Variants in EDAR observed in about 807,000 individuals in gnomAD.
The protein encoded by EDAR is ectodysplasin A receptor, also known as tumor necrosis factor receptor superfamily member EDAR.
Under a neutral mutation model 51.3 loss-of-function variants are expected in EDAR, and 38 were observed. The observed-to-expected ratio is 0.74, with a 90% CI of 0.57 to 0.97. The LOEUF (loss-of-function observed/expected upper bound fraction) is 0.97, where lower values mean the gene tolerates loss of function less well. EDAR is among the 50% of genes least tolerant of loss of function. The pLI, the probability that EDAR is intolerant of heterozygous loss-of-function variation, is 0.00. For missense variants in EDAR, 528 were observed against 595.0 expected (o/e 0.89, Z 1.17); for synonymous variants, 227 against 242.1 (o/e 0.94, Z 0.58).
Position 108,985,297 on chromosome 2 carries a change from T to C in EDAR, c.-19+3663A>G, listed in dbSNP as rs970852928. 7.2e-5 allele frequency among the ~76,000 whole-genome samples: 11 copies of C among 152,140 alleles called. 1 individual carries two copies. The highest frequency in any genetic ancestry group is 1.3e-4 in the Admixed American group (2 of 15,278). On this transcript the variant is annotated intron_variant, in intron 1 of 11. Transcript: ENST00000258443. ...GCTGTTACTAAGAGTAACGTGACTG[T>C]GGTTGTTATTGCCCTCATTGCTGAT...
chr2:108,912,826 A>T, intron 5 of EDAR, 62 bp from the exon 6 acceptor site: 1 of 1,372,652 alleles, frequency 7.3e-7, no homozygotes. Flanking sequence ...AGACGCTGCC[A>T]CAGAGCTCAT....
intron 4 of EDAR, among the ~76,000 whole-genome samples, chr2:108,928,406 A>T (rs185139267): frequency 6.6e-5 from 10 of 152,178 alleles, no homozygotes; most frequent in Admixed American, 4.6e-4. Flanking sequence ...CTTATGCACT[A>T]AGCTGTGGTC....
At chr2:108,933,892 G>C (rs574829375) in intron 1 of EDAR, among the ~76,000 whole-genome samples, 5 of 152,114 alleles carry the variant, frequency 3.3e-5, no homozygotes, top group Non-Finnish European at 1.5e-5. Context: ...CCTGGACTTG[G>C]CTTCAGGATG....
chr2:108,969,213 C>A (rs910093541), intron 1 of EDAR, among the ~76,000 whole-genome samples: 2 of 148,126 alleles, frequency 1.4e-5, no homozygotes, highest in Non-Finnish European at 3.0e-5. Context: ...TGACAACCTT[C>A]TTTTTTTTTT....
chr2:108,987,419 G>T (rs1056761202), intron 1 of EDAR, among the ~76,000 whole-genome samples: 2 of 152,214 alleles, frequency 1.3e-5, no homozygotes, highest in South Asian at 2.1e-4. Flanking sequence ...CCGCCCAATG[G>T]CAGGCACTGG....
chr2:108,962,837 A>G (rs966630344), intron 1 of EDAR, among the ~76,000 whole-genome samples: 7 of 152,158 alleles, frequency 4.6e-5, no homozygotes, highest in Non-Finnish European at 7.4e-5. Flanking sequence ...GTGATGCTGA[A>G]TTAAAAGCAC....
At chr2:108,984,587 A>G (rs1698467215) in intron 1 of EDAR, among the ~76,000 whole-genome samples, 1 of 150,590 alleles carries the variant, frequency 6.6e-6, no homozygotes, top group African/African-American at 2.5e-5. Context: ...GTCCTGGTTC[A>G]CTCCCTCACT....
chr2:108,976,056 A>C (rs963905562), intron 1 of EDAR, among the ~76,000 whole-genome samples: 56 of 152,206 alleles, frequency 3.7e-4, no homozygotes, highest in Non-Finnish European at 2.4e-4. Context: ...CTGATGAACA[A>C]ATACTGGTGC....
At chr2:108,912,838 G>C in intron 5 of EDAR, 74 bp from the exon 6 acceptor site, 2 of 1,254,792 alleles carry the variant, frequency 1.6e-6, no homozygotes, top group Non-Finnish European at 2.3e-6. Context: ...AGAGCTCATG[G>C]ATCTGGATTC....
In EDAR at chr2:108,921,625, G is replaced by A. The variant is rs77885579; in HGVS notation, c.442+1743C>T. Among the ~76,000 whole-genome samples the A allele has an allele frequency of 8.5e-3, 1,296 of 152,324 alleles. 20 individuals are homozygous for A. The highest frequency in any genetic ancestry group is 0.03 in the African/African-American group (1,228 of 41,578). On this transcript the variant is annotated intron_variant, in intron 5 of 11. Coordinates refer to ENST00000258443, the MANE Select transcript of EDAR (RefSeq NM_022336.4). ...GTGTGGGTCTTAGTGACTCCATGGG[G>A]CTTTCTAGCTCCGACGTTTTTGCTG...
At chr2:108,916,820 C>G (rs1439352078) in intron 5 of EDAR, among the ~76,000 whole-genome samples, 2 of 152,232 alleles carry the variant, frequency 1.3e-5, no homozygotes, top group African/African-American at 4.8e-5. Context: ...ACCCCACAAG[C>G]CCCCTCACGT....
Position 108,907,920 on chromosome 2 carries a change from G to T in EDAR, c.903C>A (p.Cys301Ter), listed in dbSNP as rs199544410. Residue 301 changes from cysteine to a stop codon, truncating the protein, a stop_gained, in exon 10 of 12, where the codon TGC (cysteine) becomes TGA (stop). Transcript: ENST00000258443. LOFTEE classifies it high-confidence loss of function. ...TGGCCAGGTGAACCAGCGACAGCAG[G>T]CACAGCTCCGGGGAGCCCTGCTTGT... ...APDKQGSPEL[C>*]LLSLVHLARE... The T allele has an allele frequency of 8.0e-5, 129 of 1,613,546 alleles. No individual in the cohort carries two copies. The highest frequency in any genetic ancestry group is 1.1e-4 in the Non-Finnish European group (124 of 1,180,020).
intron 1 of EDAR, among the ~76,000 whole-genome samples, chr2:108,971,394 A>C (rs1023076268): frequency 2.0e-5 from 3 of 151,510 alleles, no homozygotes; most frequent in Non-Finnish European, 2.9e-5. Context: ...TTGTAACAAG[A>C]CCCCCAGGTG....
chr2:108,962,358 A>C (rs913763898), intron 1 of EDAR, among the ~76,000 whole-genome samples: 3 of 152,188 alleles, frequency 2.0e-5, no homozygotes, highest in Admixed American at 6.5e-5. Flanking sequence ...TCAAAGCTCA[A>C]ATAGCCAATA....
Position 108,981,295 on chromosome 2 carries a change from G to A in EDAR, c.-19+7665C>T, listed in dbSNP as rs564748980. The stretch of plus-strand genomic sequence containing the variant: ...TGCCGCCAGCATTCTTTCCAGAGCC[G>A]CACCCGCCCCAGGTGGCTAGCCCAT... On this transcript the variant is annotated intron_variant, in intron 1 of 11. Transcript: ENST00000258443. 1.3e-4 allele frequency among the ~76,000 whole-genome samples: 20 copies of A among 152,240 alleles called. No homozygotes were observed. In the South Asian group the frequency reaches 3.7e-3, roughly 28 times the overall value.
At chr2:108,912,210 G>C (rs1194271913) in intron 6 of EDAR, among the ~76,000 whole-genome samples, 1 of 152,224 alleles carries the variant, frequency 6.6e-6, no homozygotes, top group Non-Finnish European at 1.5e-5. Flanking sequence ...GGCTGACTCT[G>C]AGAGACATAT....
rs534753987 is a variant in EDAR, at chr2:108,896,763, G to A, written c.*144C>T. 35 of 775,328 alleles carry A rather than the reference G, an allele frequency of 4.5e-5. No homozygotes were observed. Among genetic ancestry groups the A allele is most frequent in the South Asian group, 2.4e-4 (13 of 54,460 alleles). 48.0% of individuals were successfully genotyped at this position (775,328 alleles called of 1,614,324 possible). ...TAAATTGGAAGACAGGCCTTATTTC[G>A]TCTGGCTCCTTGAACATCCTAAGGC... On this transcript the variant is annotated 3_prime_UTR_variant, in exon 12 of 12. Transcript: ENST00000258443.
Position 108,930,247 on chromosome 2 carries a change from C to T in EDAR, c.52-5G>A, listed in dbSNP as rs757959089. The T allele has an allele frequency of 3.1e-6, 5 of 1,614,080 alleles. No homozygotes were observed. Among genetic ancestry groups the T allele is most frequent in the Middle Eastern group, 1.6e-4 (1 of 6,062 alleles). On this transcript the variant is annotated splice_polypyrimidine_tract_variant and splice_region_variant and intron_variant, in intron 2 of 11. Transcript: ENST00000258443. ...GGCTGAGCACATCAGAGACACCTGC[C>T]AACAAAGGGGGGTGTTGTGGCCTCC...
intron 1 of EDAR, among the ~76,000 whole-genome samples, chr2:108,957,473 C>T (rs1168993909): frequency 3.9e-5 from 6 of 152,206 alleles, no homozygotes; most frequent in South Asian, 2.1e-4. Flanking sequence ...CAAGTGGCCC[C>T]GGGCTCATGG....
Sources: gnomAD v4.1 joint callset for allele counts (sites outside exome capture counted in the v4.1 genomes callset) on GRCh38, gnomAD v4.1.1 for gene constraint, MANE v1.5 for transcripts, NCBI Gene and HGNC (gene_info 2026-07-23, HGNC 2026-07-21) for gene names.